Variants in RNGTT observed in about 807,000 individuals in gnomAD.
RNGTT encodes mRNA-capping enzyme.
A neutral mutation model predicts 79.3 loss-of-function variants in RNGTT; 33 were observed. The observed-to-expected ratio is 0.42, with a 90% CI of 0.32 to 0.56. The LOEUF (loss-of-function observed/expected upper bound fraction) is 0.56, where lower values mean the gene tolerates loss of function less well. Ranked by LOEUF, RNGTT falls within the 20% of genes least tolerant of loss-of-function variation. The pLI is 0.17. For missense variants in RNGTT, 497 were observed against 739.1 expected (o/e 0.67, Z 3.80); for synonymous variants, 222 against 235.9 (o/e 0.94, Z 0.54).
intron 8 of RNGTT, among the ~76,000 whole-genome samples, chr6:88,860,013 T>C (rs911713946): frequency 2.6e-5 from 4 of 152,308 alleles, no homozygotes; most frequent in African/African-American, 9.6e-5. Flanking sequence ...CTCACCTGCA[T>C]TTTTAAAAGT....
intron 14 of RNGTT, among the ~76,000 whole-genome samples, chr6:88,639,578 TC>T (rs763094955): frequency 1.7e-4 from 26 of 152,304 alleles, no homozygotes; most frequent in Non-Finnish European, 2.8e-4. Flanking sequence ...GGCTCATACT[TC>T]CCTTATAGTT....
rs569974653 is a variant in RNGTT, at chr6:88,632,493, T to C, written c.1507-18098A>G. On this transcript the variant is annotated intron_variant, in intron 14 of 15. Coordinates refer to ENST00000369485, the MANE Select transcript of RNGTT (RefSeq NM_003800.5). ...TTTAAGTTTGATCCAGTTTATCTAA[T>C]GCAAGAAAAACAGTTTATATAGCAA... 1.1e-3 allele frequency among the ~76,000 whole-genome samples: 173 copies of C among 150,566 alleles called. 4 individuals carry two copies. The highest frequency in any genetic ancestry group is 4.0e-3 in the African/African-American group (164 of 40,876).
intron 1 of RNGTT, among the ~76,000 whole-genome samples, chr6:88,943,240 A>T (rs12055577): frequency 0.27 from 41,145 of 152,074 alleles, 6,724 homozygotes; most frequent in African/African-American, 0.45. Context: ...CCAAATCTCA[A>T]CTCTTAATAC....
At chr6:88,906,199 C>T (rs1313718852) in intron 5 of RNGTT, among the ~76,000 whole-genome samples, 166 bp downstream of exon 5, 2 of 151,852 alleles carry the variant, frequency 1.3e-5, no homozygotes, top group Non-Finnish European at 1.5e-5. Context: ...ACACACACAC[C>T]AAGTAATGGT....
chr6:88,704,761 G>T (rs1776074103), intron 13 of RNGTT, among the ~76,000 whole-genome samples: 1 of 152,004 alleles, frequency 6.6e-6, no homozygotes, highest in Non-Finnish European at 1.5e-5. Context: ...TTCTCAAAAA[G>T]GGAAATAGAG....
intron 8 of RNGTT, among the ~76,000 whole-genome samples, chr6:88,887,753 A>C (rs1326661096): frequency 6.6e-6 from 1 of 152,196 alleles, no homozygotes; most frequent in African/African-American, 2.4e-5. Flanking sequence ...ACAAGAGACA[A>C]ATTTTGCAGG....
rs144211447 is a variant in RNGTT, at chr6:88,660,396, T to C, written c.1506+17957A>G. 1.3e-3 allele frequency among the ~76,000 whole-genome samples: 195 copies of C among 152,264 alleles called. 1 individual carries two copies. Among genetic ancestry groups the C allele is most frequent in the Non-Finnish European group, 2.3e-3 (159 of 68,004 alleles). On this transcript the variant is annotated intron_variant, in intron 14 of 15. Transcript: ENST00000369485. ...AAAAATCCACCAACCAAGTATCCTA[T>C]CTGTTGTCTTCAAGAGACTCAACTA...
intron 13 of RNGTT, among the ~76,000 whole-genome samples, chr6:88,711,700 C>T (rs1337069438): frequency 1.3e-5 from 2 of 152,166 alleles, no homozygotes; most frequent in Admixed American, 1.3e-4. Context: ...TTAGTAACTG[C>T]AAATACATGA....
intron 11 of RNGTT, among the ~76,000 whole-genome samples, chr6:88,814,756 C>T (rs1168680543): frequency 6.6e-6 from 1 of 151,524 alleles, no homozygotes; most frequent in Non-Finnish European, 1.5e-5. Context: ...AATGACTAGT[C>T]TGGATGTCAT....
intron 11 of RNGTT, among the ~76,000 whole-genome samples, chr6:88,843,324 C>T (rs146079262): frequency 1.3e-3 from 198 of 152,060 alleles, no homozygotes; most frequent in African/African-American, 4.6e-3. Context: ...CAAAAATGTT[C>T]ACTGAAACAG....
chr6:88,711,708 T>C (rs960676405), intron 13 of RNGTT, among the ~76,000 whole-genome samples: 1 of 152,216 alleles, frequency 6.6e-6, no homozygotes, highest in African/African-American at 2.4e-5. Context: ...TGCAAATACA[T>C]GAACATAGCA....
intron 13 of RNGTT, among the ~76,000 whole-genome samples, 173 bp from the exon 14 acceptor site, chr6:88,678,592 T>G (rs1486286891): frequency 1.3e-5 from 2 of 152,040 alleles, no homozygotes; most frequent in African/African-American, 4.8e-5. Flanking sequence ...CACTATGAGA[T>G]AGTAACCAGA....
At chr6:88,651,028 T>A (rs968550892) in intron 14 of RNGTT, among the ~76,000 whole-genome samples, 3 of 152,090 alleles carry the variant, frequency 2.0e-5, no homozygotes, top group Non-Finnish European at 2.9e-5. Flanking sequence ...CTAAGGAAGA[T>A]AAACACTCAA....
intron 4 of RNGTT, among the ~76,000 whole-genome samples, chr6:88,909,601 T>C (rs1783767975): frequency 6.6e-6 from 1 of 152,112 alleles, no homozygotes; most frequent in Non-Finnish European, 1.5e-5. Flanking sequence ...AAAGGAAACG[T>C]GAGACAGTGC....
At chr6:88,851,618 A>G (rs898752732) in intron 9 of RNGTT, among the ~76,000 whole-genome samples, 1 of 152,068 alleles carries the variant, frequency 6.6e-6, no homozygotes, top group African/African-American at 2.4e-5. Flanking sequence ...TATTTTCCAC[A>G]TTTTATAGGT....
intron 14 of RNGTT, among the ~76,000 whole-genome samples, chr6:88,666,206 C>A (rs1386236172): frequency 6.6e-6 from 1 of 152,144 alleles, no homozygotes; most frequent in Non-Finnish European, 1.5e-5. Context: ...CATGTCAGCC[C>A]CAGCCCTGGG....
intron 15 of RNGTT, 97 bp downstream of exon 15, chr6:88,614,175 G>T: frequency 2.7e-6 from 3 of 1,115,326 alleles, no homozygotes; most frequent in Non-Finnish European, 3.9e-6. Flanking sequence ...AAATGACTAT[G>T]CCCCATTAAG....
intron 11 of RNGTT, among the ~76,000 whole-genome samples, chr6:88,829,601 AC>A (rs1480443558): frequency 1.3e-5 from 2 of 151,122 alleles, no homozygotes; most frequent in Non-Finnish European, 2.9e-5. Flanking sequence ...AAGAGTCAAG[AC>A]CCATCAGTGT....
rs564817754 is a variant in RNGTT, at chr6:88,720,796, G to A, written c.1440-42377C>T. 4.0e-3 allele frequency among the ~76,000 whole-genome samples: 608 copies of A among 152,238 alleles called. 3 individuals carry two copies. The highest frequency in any genetic ancestry group is 6.4e-3 in the Non-Finnish European group (438 of 67,984). On this transcript the variant is annotated intron_variant, in intron 13 of 15. Transcript: ENST00000369485. ...AAAAAGGTAAATCTGAGTATATGAT[G>A]AGTATTTAACATTCATTAAGGGTTA...
Sources: gnomAD v4.1 joint callset for allele counts (sites outside exome capture counted in the v4.1 genomes callset) on GRCh38, gnomAD v4.1.1 for gene constraint, MANE v1.5 for transcripts, NCBI Gene and HGNC (gene_info 2026-07-23, HGNC 2026-07-21) for gene names.